FABP6: variants seen among roughly 807,000 people sequenced by gnomAD.
The protein encoded by FABP6 is fatty acid binding protein 6.
A neutral mutation model predicts 14.9 loss-of-function variants in FABP6; 13 were observed. The ratio of observed to expected loss-of-function variants is 0.87; its 90% confidence interval spans 0.57 to 1.39. The LOEUF is 1.39. FABP6 is among the 40% of genes most tolerant of loss of function. The pLI is 0.00. For missense variants in FABP6, 161 were observed against 167.2 expected (o/e 0.96, Z 0.20); for synonymous variants, 75 against 63.6 (o/e 1.18, Z -0.85).
At chr5:160,200,743 A>G (rs889280343) in intron 2 of FABP6, among the ~76,000 whole-genome samples, 1 of 152,162 alleles carries the variant, frequency 6.6e-6, no homozygotes, top group Non-Finnish European at 1.5e-5. Context: ...GGTCTGTGTT[A>G]CTGTCCCCAG....
chr5:160,206,225 T>C (rs1759761693), intron 2 of FABP6, among the ~76,000 whole-genome samples: 1 of 151,814 alleles, frequency 6.6e-6, no homozygotes, highest in African/African-American at 2.4e-5. Context: ...AGGTCAGGAG[T>C]TTGAGACCAA....
intron 3 of FABP6, 35 bp from the exon 4 acceptor site, chr5:160,238,571 G>T (rs371319029): frequency 6.2e-7 from 1 of 1,603,630 alleles, no homozygotes; most frequent in African/African-American, 1.3e-5. Context: ...TTGGGGTGGG[G>T]CACTGACTCC....
chr5:160,187,651 G>A (rs1759313098), intron 1 of FABP6, among the ~76,000 whole-genome samples: 1 of 152,140 alleles, frequency 6.6e-6, no homozygotes, highest in South Asian at 2.1e-4. Flanking sequence ...GCTGTGGGAA[G>A]CTTGAGCCTG....
chr5:160,192,227 A>G (rs1759408490), intron 1 of FABP6, among the ~76,000 whole-genome samples: 1 of 151,962 alleles, frequency 6.6e-6, no homozygotes. Flanking sequence ...GGGTCTTGCT[A>G]TGTTGCCGAG....
chr5:160,191,335 C>T (rs1580893648), intron 1 of FABP6, among the ~76,000 whole-genome samples: 1 of 151,526 alleles, frequency 6.6e-6, no homozygotes, highest in Non-Finnish European at 1.5e-5. Flanking sequence ...GGCATGGTGG[C>T]GGGCGCCTAC....
At chr5:160,237,149 C>G (rs569206329) in intron 3 of FABP6, among the ~76,000 whole-genome samples, 98 of 152,126 alleles carry the variant, frequency 6.4e-4, no homozygotes, top group Admixed American at 1.4e-3. Context: ...TCAGTAACTC[C>G]CAGAAGAAGC....
Position 160,215,801 on chromosome 5 carries a change from CTGCTGT to C in FABP6, c.135+1985_135+1990del, listed in dbSNP as rs1426256377. 3.9e-5 allele frequency among the ~76,000 whole-genome samples: 6 copies of C among 152,198 alleles called. No individual in the cohort carries two copies. The South Asian group carries it at 6.2e-4, about 16-fold the overall frequency. On this transcript the variant is annotated intron_variant, in intron 3 of 6. Coordinates refer to the FABP6 transcript ENST00000393980. ...GAAGGTAAAGGTTATTTCAAACCAG[CTGCTGT>C]TGTGAGGAATGGGGTGGGATTCATC...
Position 160,204,504 on chromosome 5 carries a change from G to T in FABP6, c.51+5347G>T, listed in dbSNP as rs112883287. ...ATTTTCTTTTCCTTTTTTAGGGGGG[G>T]TGGGGATGGAGTTTCTCTCTTGTCA... On this transcript the variant is annotated intron_variant, in intron 2 of 6. Transcript: ENST00000393980. Among the ~76,000 whole-genome samples, 1,456 of 151,806 alleles carry T rather than the reference G, an allele frequency of 9.6e-3. 29 individuals are homozygous for T. The highest frequency in any genetic ancestry group is 0.033 in the African/African-American group (1,381 of 41,344).
upstream of FABP6, among the ~76,000 whole-genome samples, chr5:160,227,442 G>A (rs1056412343): frequency 2.0e-5 from 3 of 147,854 alleles, no homozygotes; most frequent in South Asian, 2.1e-4. Flanking sequence ...CAGGAGAATC[G>A]CTTAAACCTG....
chr5:160,229,020 C>A (rs954429963), upstream of FABP6, among the ~76,000 whole-genome samples: 9 of 152,200 alleles, frequency 5.9e-5, no homozygotes, highest in Admixed American at 5.9e-4. Context: ...GGTCAGCCAT[C>A]TGCTTTTCTC....
At chr5:160,238,721 C>A, downstream of FABP6, 1 of 1,522,376 alleles carries the variant, frequency 6.6e-7, no homozygotes, top group Non-Finnish European at 9.1e-7. Flanking sequence ...AGGACAGACG[C>A]TGCTCGCTCC....
chr5:160,236,279 G>C (rs1580926799), intron 3 of FABP6, among the ~76,000 whole-genome samples: 1 of 152,110 alleles, frequency 6.6e-6, no homozygotes, highest in East Asian at 1.9e-4. Flanking sequence ...GTCTCCCAAA[G>C]TGCTGGGATT....
At chr5:160,191,582 GCTTT>G (rs35216425) in intron 1 of FABP6, among the ~76,000 whole-genome samples, 26,011 of 151,676 alleles carry the variant, frequency 0.17, 2,240 homozygotes, top group Middle Eastern at 0.2. Context: ...AGCGTCAATG[GCTTT>G]CTTTCTGTTT....
At chr5:160,199,160 A>G (rs1223643224) in intron 2 of FABP6, 7 of 1,614,136 alleles carry the variant, frequency 4.3e-6, no homozygotes, top group African/African-American at 1.3e-5. Context: ...TGACTCAGGT[A>G]GCTCCGTGAA....
chr5:160,233,603 G>A (rs962190992), intron 2 of FABP6, among the ~76,000 whole-genome samples: 3 of 152,150 alleles, frequency 2.0e-5, no homozygotes, highest in African/African-American at 2.4e-5. Flanking sequence ...GGCCGGGCAC[G>A]GTGGCTCACG....
At chr5:160,211,100 C>T (rs940118149) in intron 2 of FABP6, among the ~76,000 whole-genome samples, 1 of 152,310 alleles carries the variant, frequency 6.6e-6, no homozygotes. Context: ...TAGATCAAAC[C>T]TGTAGATGTT....
At chr5:160,226,133 A>C (rs1760239569), upstream of FABP6, among the ~76,000 whole-genome samples, 1 of 150,332 alleles carries the variant, frequency 6.7e-6, no homozygotes, top group African/African-American at 2.4e-5. Flanking sequence ...GAGATGTGAC[A>C]CTGCACTCCA....
chr5:160,223,984 C>CATG (rs1760191156), intron 3 of FABP6, among the ~76,000 whole-genome samples: 2 of 146,470 alleles, frequency 1.4e-5, no homozygotes, highest in African/African-American at 5.4e-5. Context: ...CGCCTGTAAT[C>CATG]CCAGCACTTT....
chr5:160,206,825 G>A (rs1172392826), intron 2 of FABP6, among the ~76,000 whole-genome samples: 1 of 152,186 alleles, frequency 6.6e-6, no homozygotes, highest in Non-Finnish European at 1.5e-5. Context: ...GTCAAGTCCA[G>A]GGTGGCTTGG....
Sources: allele counts gnomAD v4.1 joint callset (sites outside exome capture counted in the v4.1 genomes callset), GRCh38; gene constraint gnomAD v4.1.1; transcripts MANE v1.5; gene names NCBI Gene and HGNC (gene_info 2026-07-23, HGNC 2026-07-21).